The following PCLO variants were observed in gnomAD, a reference collection of about 807,000 sequenced individuals.
The protein encoded by PCLO is protein piccolo.
In PCLO, 82 loss-of-function variants were observed where a neutral mutation model predicts 427.5. The ratio of observed to expected loss-of-function variants is 0.19; its 90% CI spans 0.16 to 0.23. The LOEUF is 0.23. PCLO is among the 10% of genes least tolerant of loss of function. The pLI is 1.00. For missense variants in PCLO, 6,239 were observed against 6,115.9 expected (o/e 1.02, Z -0.67); for synonymous variants, 2,357 against 2,155.4 (o/e 1.09, Z -2.59).
Position 82,755,256 on chromosome 7 carries a change from G to C in PCLO, c.*3319C>G, listed in dbSNP as rs1790292873. On this transcript the variant is annotated 3_prime_UTR_variant, in exon 25 of 25. Coordinates refer to ENST00000333891, the MANE Select transcript of PCLO (RefSeq NM_033026.6). ...TATGCTGAAAATATGCGTTTAATTA[G>C]TGTAATTTATTAAAATATGGGCAAT... 1 of 151,912 alleles carries C rather than the reference G, an allele frequency of 6.6e-6. No homozygotes were observed. Among genetic ancestry groups the C allele is most frequent in the Admixed American group, 6.6e-5 (1 of 15,248 alleles). 9.4% of individuals were successfully genotyped at this position (151,912 alleles called of 1,614,324 possible).
At chr7:82,930,242 C>T (rs980247939) in intron 6 of PCLO, among the ~76,000 whole-genome samples, 11 of 152,030 alleles carry the variant, frequency 7.2e-5, no homozygotes, top group African/African-American at 2.4e-4. Flanking sequence ...CACAAGTACA[C>T]GTATGTCCCA....
intron 8 of PCLO, among the ~76,000 whole-genome samples, chr7:82,904,108 T>G (rs1794123696): frequency 6.6e-6 from 1 of 151,942 alleles, no homozygotes; most frequent in Admixed American, 6.6e-5. Context: ...AAATACTGTT[T>G]ACTAAATTAT....
At chr7:83,160,701 T>C (rs954512725) in intron 1 of PCLO, among the ~76,000 whole-genome samples, 1 of 152,126 alleles carries the variant, frequency 6.6e-6, no homozygotes, top group Non-Finnish European at 1.5e-5. Flanking sequence ...AACAGTTTTA[T>C]AGGTGGAAAT....
At chr7:82,863,883 C>T (rs1249065375) in intron 10 of PCLO, among the ~76,000 whole-genome samples, 2 of 152,056 alleles carry the variant, frequency 1.3e-5, no homozygotes, top group Admixed American at 6.5e-5. Flanking sequence ...GTAATACCTT[C>T]GGTATTAATA....
rs893138794 is a variant in PCLO at position 82,758,379 on chromosome 7, G to A, written c.*196C>T. The A allele has an allele frequency of 2.2e-6, 1 of 457,836 alleles. No individual in the cohort carries two copies. Among genetic ancestry groups the A allele is most frequent in the Non-Finnish European group, 3.9e-6 (1 of 258,864 alleles). The allele number at this position is 457,836 out of a possible 1,614,324, so 28.4% of individuals were successfully genotyped here. A position where few individuals can be genotyped will look rare whatever the true frequency, so the allele number is the denominator to read the frequency against. On this transcript the variant is annotated 3_prime_UTR_variant, in exon 25 of 25. Coordinates refer to ENST00000333891, the MANE Select transcript of PCLO (RefSeq NM_033026.6). The stretch of plus-strand genomic sequence containing the variant: ...CAGAACTCCATTCTTCTTGTTTTCA[G>A]TATGTGAACTTTTTCAGTTGAATAT...
At chr7:82,890,740 A>G (rs1274463369) in intron 9 of PCLO, among the ~76,000 whole-genome samples, 1 of 151,974 alleles carries the variant, frequency 6.6e-6, no homozygotes, top group Non-Finnish European at 1.5e-5. Flanking sequence ...CTTCATCTAG[A>G]GTCTGAATAT....
intron 3 of PCLO, among the ~76,000 whole-genome samples, chr7:83,110,316 T>A (rs1395852356): frequency 6.6e-6 from 1 of 152,080 alleles, no homozygotes; most frequent in Admixed American, 6.6e-5. Context: ...CTTTTTTTAA[T>A]AAAAAGATTT....
chr7:83,047,110 A>T (rs1436896998), intron 3 of PCLO, among the ~76,000 whole-genome samples: 1 of 152,092 alleles, frequency 6.6e-6, no homozygotes, highest in East Asian at 1.9e-4. Flanking sequence ...CTAAATGTAG[A>T]TAAGCAAGGC....
intron 6 of PCLO, among the ~76,000 whole-genome samples, chr7:82,922,942 T>C (rs1456286216): frequency 6.6e-6 from 1 of 151,994 alleles, no homozygotes; most frequent in East Asian, 1.9e-4. Context: ...GATTTTTAGG[T>C]TTGTTCTCTC....
In PCLO at chr7:82,951,220, G is replaced by C. The variant is rs372321999; in HGVS notation, c.9368C>G (p.Thr3123Arg). The C allele has an allele frequency of 6.2e-7, 1 of 1,613,520 alleles. No individual in the cohort carries two copies. Among genetic ancestry groups the C allele is most frequent in the Admixed American group, 1.7e-5 (1 of 59,956 alleles). The change falls in exon 6 of 25, where the codon ACG becomes AGG. Residue 3123 changes from threonine (T) to arginine (R), a missense_variant. Thr to Arg is a moderately conservative substitution (Grantham distance 71). Transcript: ENST00000333891. Reference protein sequence around the residue: ...TTVRDLSGIHTADAVTSLPAM... With the variant: ...TTVRDLSGIHRADAVTSLPAM... ...AGGTAATGAAGTCACTGCATCAGCC[G>C]TATGAATACCAGACAAATCCCTCAC...
chr7:83,128,370 T>A (rs1247251627), intron 3 of PCLO, among the ~76,000 whole-genome samples: 1 of 152,160 alleles, frequency 6.6e-6, no homozygotes, highest in East Asian at 1.9e-4. Flanking sequence ...TTTAACTTTT[T>A]TCATACTAAG....
At position 82,952,818 on chromosome 7, in the gene PCLO, T is replaced by G. The variant is rs1395260922; in HGVS notation, c.8135A>C (p.Lys2712Thr). 2 of 1,613,692 alleles carry G rather than the reference T, an allele frequency of 1.2e-6. No homozygotes were observed. Among genetic ancestry groups the G allele is most frequent in the African/African-American group, 2.7e-5 (2 of 74,912 alleles). The change falls in exon 5 of 25, where the codon AAG (lysine) becomes ACG (threonine). Residue 2712 changes from lysine to threonine, a missense_variant. By Grantham distance (78) the Lys-to-Thr change is moderately conservative. Coordinates refer to ENST00000333891, the MANE Select transcript of PCLO (RefSeq NM_033026.6). The stretch of plus-strand genomic sequence containing the variant: ...TTTTCCATCTTCTTTATACTGAGGC[T>G]TCTCTAAATGTATGTTATCTAGAGC... ...PLALDNIHLE[K>T]PQYKEDGKLQ... is the part of the protein sequence containing the mutation.
At chr7:83,083,964 T>C (rs77162292) in intron 3 of PCLO, among the ~76,000 whole-genome samples, 2,939 of 152,254 alleles carry the variant, frequency 0.019, 105 homozygotes, top group African/African-American at 0.068. Context: ...GAGACTGGGT[T>C]GACAAGAGAA....
rs149524672 is a variant in PCLO at position 82,894,815 on chromosome 7, T to A, written c.13528+7836A>T. ...CTTGCAATTTATTTGGGGATTAAAC[T>A]GGGAGACTGGGAATTGGGACATCCA... On this transcript the variant is annotated intron_variant, in intron 9 of 24. Coordinates refer to ENST00000333891, the MANE Select transcript of PCLO (RefSeq NM_033026.6). Among the ~76,000 whole-genome samples, 323 of 152,122 alleles carry A rather than the reference T, an allele frequency of 2.1e-3. 5 individuals are homozygous for A. Among genetic ancestry groups the A allele is most frequent in the East Asian group, 0.018 (92 of 5,146 alleles).
chr7:82,863,306 G>C (rs966232376), intron 10 of PCLO, among the ~76,000 whole-genome samples: 2 of 152,002 alleles, frequency 1.3e-5, no homozygotes, highest in Middle Eastern at 3.4e-3. Context: ...ACATAGAGAA[G>C]TCAGTTCAAA....
chr7:82,802,433 C>T (rs1244205519), intron 21 of PCLO, among the ~76,000 whole-genome samples: 2 of 151,932 alleles, frequency 1.3e-5, no homozygotes, highest in Non-Finnish European at 2.9e-5. Context: ...GGAAAGTCAA[C>T]TAGATGAAGA....
intron 22 of PCLO, among the ~76,000 whole-genome samples, chr7:82,790,274 G>C (rs1455543513): frequency 6.6e-6 from 1 of 152,016 alleles, no homozygotes; most frequent in Admixed American, 6.6e-5. Flanking sequence ...TTACAGTGTG[G>C]AGTCTAAGTT....
At chr7:83,133,848 G>C (rs1791637205) in intron 3 of PCLO, among the ~76,000 whole-genome samples, 1 of 151,816 alleles carries the variant, frequency 6.6e-6, no homozygotes, top group African/African-American at 2.4e-5. Flanking sequence ...TTAGAGATGG[G>C]AATAAAATAT....
At chr7:83,015,549 A>T (rs2116020762) in intron 3 of PCLO, among the ~76,000 whole-genome samples, 1 of 152,298 alleles carries the variant, frequency 6.6e-6, no homozygotes, top group East Asian at 1.9e-4. Flanking sequence ...TGATAATAAA[A>T]AATTATCAAT....
Sources: gnomAD v4.1 joint callset for allele counts (sites outside exome capture counted in the v4.1 genomes callset) on GRCh38, gnomAD v4.1.1 for gene constraint, MANE v1.5 for transcripts, NCBI Gene and HGNC (gene_info 2026-07-23, HGNC 2026-07-21) for gene names.